EPN1: variants seen among roughly 807,000 people sequenced by gnomAD.
EPN1 encodes epsin 1, also known as epsin-1.
A neutral mutation model predicts 56.9 loss-of-function variants in EPN1; 25 were observed. The ratio of observed to expected loss-of-function variants is 0.44; its 90% confidence interval spans 0.32 to 0.61. The LOEUF is 0.61. Ranked by LOEUF, EPN1 falls within the 20% of genes least tolerant of loss-of-function variation. EPN1 has a pLI of 0.05. For missense variants in EPN1, 785 were observed against 823.7 expected (o/e 0.95, Z 0.58); for synonymous variants, 411 against 361.8 (o/e 1.14, Z -1.54).
At position 55,694,757 on chromosome 19, in the gene EPN1, G is replaced by A. The variant is rs1018243362; in HGVS notation, c.1296G>A (p.Pro432=). Residue 432 remains proline, a synonymous_variant, in exon 10 of 11, where the codon CCG becomes CCA. Transcript: ENST00000270460. This position sits in a 1 kb window ranked among gnomAD's most constrained non-coding sequence, Gnocchi z 4.2. ...TGGAGCTGCTGGCAGGAGAGGTGCC[G>A]GCCCGAAGCCCTGGGGCGTTTGACA... ...GELELLAGEV[P]ARSPGAFDMS... 9 of 1,588,882 alleles carry A rather than the reference G, an allele frequency of 5.7e-6. No individual in the cohort carries two copies. The highest frequency in any genetic ancestry group is 1.3e-5 in the African/African-American group (1 of 74,494).
chr19:55,692,249 A>G (rs1986606441), intron 7 of EPN1, among the ~76,000 whole-genome samples, 192 bp downstream of exon 7: 1 of 150,186 alleles, frequency 6.7e-6, no homozygotes, highest in African/African-American at 2.5e-5. Context: ...TGTGCCTTGG[A>G]GGACATGGGG....
intron 2 of EPN1, among the ~76,000 whole-genome samples, 189 bp from the exon 3 acceptor site, chr19:55,685,207 G>A (rs908784794): frequency 3.9e-5 from 6 of 152,374 alleles, no homozygotes; most frequent in Non-Finnish European, 8.8e-5. Flanking sequence ...CCGTCACAGC[G>A]TGGGTCTGTG....
intron 2 of EPN1, among the ~76,000 whole-genome samples, chr19:55,681,630 C>T (rs1172849288): frequency 2.0e-5 from 3 of 152,208 alleles, no homozygotes; most frequent in Non-Finnish European, 4.4e-5. Context: ...TTTCATCTGG[C>T]TCCTTACAGA....
At position 55,706,027 on chromosome 19, in the gene EPN1, T is replaced by G. The variant is rs1324685064; in HGVS notation, c.*10671T>G. The G allele has an allele frequency of 5.4e-6, 1 of 185,252 alleles. No individual in the cohort carries two copies. Among genetic ancestry groups the G allele is most frequent in the Non-Finnish European group, 1.1e-5 (1 of 89,210 alleles). The allele number at this position is 185,252 out of a possible 1,614,324, so 11.5% of individuals were successfully genotyped here. A position where few individuals can be genotyped will look rare whatever the true frequency, so the allele number is the denominator to read the frequency against. On this transcript the variant is annotated 3_prime_UTR_variant, in exon 11 of 11. Coordinates refer to ENST00000270460, the MANE Select transcript of EPN1 (RefSeq NM_001130072.2). The stretch of plus-strand genomic sequence containing the variant: ...CTGCATAGCAGTTACAAAGAAGGCC[T>G]TATTATCTGGAAGAAAAGGGACCAT...
At position 55,708,911 on chromosome 19, in the gene EPN1, A is replaced by C; in HGVS notation, c.*13555A>C. 2.6e-6 allele frequency: 4 copies of C among 1,540,682 alleles called. No individual in the cohort carries two copies. Among genetic ancestry groups the C allele is most frequent in the Non-Finnish European group, 3.5e-6 (4 of 1,153,018 alleles). ...AGACGACTACTTCAGGGTGTTCCCCATCAGAGGAGCACACCCCTGATCTTG... is the reference window on the plus strand; with the variant it reads ...AGACGACTACTTCAGGGTGTTCCCCCTCAGAGGAGCACACCCCTGATCTTG... On this transcript the variant is annotated 3_prime_UTR_variant, in exon 11 of 11. Transcript: ENST00000270460.
At chr19:55,692,552 G>T in intron 7 of EPN1, 134 bp from the exon 8 acceptor site, 1 of 573,020 alleles carries the variant, frequency 1.7e-6, no homozygotes, top group Non-Finnish European at 3.1e-6. Context: ...GTGTGCGGGA[G>T]GCCGGGTGGG....
chr19:55,690,014 C>T, intron 6 of EPN1, 64 bp downstream of exon 6: 1 of 1,429,676 alleles, frequency 7.0e-7, no homozygotes. Flanking sequence ...ATCGCTCATT[C>T]CTGCGTGGCC....
chr19:55,695,391 GC>G lies in EPN1; in HGVS notation c.*39del, dbSNP rs1986861112. ...GAAGGGGGCCTGGCTCCATCCGGCTGCCCCATTCCGGCTCCCTGGGAGATCA... is the reference window on the plus strand; with the variant it reads ...GAAGGGGGCCTGGCTCCATCCGGCTGCCCATTCCGGCTCCCTGGGAGATCA... On this transcript the variant is annotated 3_prime_UTR_variant, in exon 11 of 11. Transcript: ENST00000270460. The surrounding 1 kb of genome is among the most constrained non-coding windows in gnomAD (Gnocchi z 4.4). The G allele has an allele frequency of 8.4e-7, 1 of 1,193,068 alleles. No individual in the cohort carries two copies. The highest frequency in any genetic ancestry group is 1.2e-6 in the Non-Finnish European group (1 of 849,402). 73.9% of individuals were successfully genotyped at this position (1,193,068 alleles called of 1,614,324 possible).
In EPN1 at chr19:55,704,146, C is replaced by G. The variant is rs1190018155; in HGVS notation, c.*8790C>G. 6.6e-6 allele frequency: 1 copy of G among 152,624 alleles called. No homozygotes were observed. The highest frequency in any genetic ancestry group is 1.5e-5 in the Non-Finnish European group (1 of 68,320). The allele number at this position is 152,624 out of a possible 1,614,324, so 9.5% of individuals were successfully genotyped here. On this transcript the variant is annotated 3_prime_UTR_variant, in exon 11 of 11. Transcript: ENST00000270460. ...CTGGTCCCCACCTTCCAGCCCAGCGCGCACACTAGACGGCACGTGCTCTCC... is the reference window on the plus strand; with the variant it reads ...CTGGTCCCCACCTTCCAGCCCAGCGGGCACACTAGACGGCACGTGCTCTCC...
Position 55,699,952 on chromosome 19 carries a change from G to T in EPN1, c.*4596G>T, listed in dbSNP as rs912331962. 95 of 150,216 alleles carry T rather than the reference G, an allele frequency of 6.3e-4. No individual in the cohort carries two copies. The highest frequency in any genetic ancestry group is 2.3e-3 in the African/African-American group (92 of 40,786). The allele number at this position is 150,216 out of a possible 1,614,324, so 9.3% of individuals were successfully genotyped here. A position where few individuals can be genotyped will look rare whatever the true frequency, so the allele number is the denominator to read the frequency against. ...TTTTTTTTTTTTGAGACAGAGTCTT[G>T]CTCTGTCGCCCAGGCTGGAGTGCAG... On this transcript the variant is annotated 3_prime_UTR_variant, in exon 11 of 11. Transcript: ENST00000270460.
Position 55,705,341 on chromosome 19 carries a change from TAC to T in EPN1, c.*9987_*9988del, listed in dbSNP as rs1219903074. The T allele has an allele frequency of 1.3e-5, 2 of 152,152 alleles. No individual in the cohort carries two copies. The highest frequency in any genetic ancestry group is 2.9e-5 in the Non-Finnish European group (2 of 68,032). 9.4% of individuals were successfully genotyped at this position (152,152 alleles called of 1,614,324 possible). On this transcript the variant is annotated 3_prime_UTR_variant, in exon 11 of 11. Transcript: ENST00000270460. ...CAATGAAAAAAACCTCTCAGAACGA[TAC>T]AGAATCCAGAGCCACTACAACACAT...
At position 55,689,159 on chromosome 19, in the gene EPN1, C is replaced by A; in HGVS notation, c.604-138C>A. On this transcript the variant is annotated intron_variant, in intron 4 of 10. Transcript: ENST00000270460. This position sits in a 1 kb window ranked among gnomAD's most constrained non-coding sequence, Gnocchi z 5.7. ...TCATCCTCACCCCGCCGTCCCTCTG[C>A]GTGTCACTCTCTGCCTGTCCCTCAC... is the stretch of plus-strand genomic sequence containing the variant. The A allele has an allele frequency of 8.7e-7, 1 of 1,145,208 alleles. No homozygotes were observed. Among genetic ancestry groups the A allele is most frequent in the Non-Finnish European group, 1.2e-6 (1 of 811,256 alleles). The allele number at this position is 1,145,208 out of a possible 1,614,324, so 70.9% of individuals were successfully genotyped here. A position where few individuals can be genotyped will look rare whatever the true frequency, so the allele number is the denominator to read the frequency against.
At position 55,708,653 on chromosome 19, in the gene EPN1, GT is replaced by G. The variant is rs1987547723; in HGVS notation, c.*13300del. On this transcript the variant is annotated 3_prime_UTR_variant, in exon 11 of 11. Transcript: ENST00000270460. Reference sequence around the variant, plus strand: ...ATGCTTTCCAGAGCGTTTAGCACTTGTTTAACGTACTTGTGCTTCTAAATAT... The same window carrying G: ...ATGCTTTCCAGAGCGTTTAGCACTTGTTAACGTACTTGTGCTTCTAAATAT... 1 of 312,246 alleles carries G rather than the reference GT, an allele frequency of 3.2e-6. No homozygotes were observed. Among genetic ancestry groups the G allele is most frequent in the Admixed American group, 5.0e-5 (1 of 19,926 alleles). The allele number at this position is 312,246 out of a possible 1,614,324, so 19.3% of individuals were successfully genotyped here.
intron 1 of EPN1, chr19:55,677,323 T>C: frequency 3.9e-6 from 3 of 768,954 alleles, no homozygotes; most frequent in African/African-American, 1.7e-5. Flanking sequence ...AGTTAATACA[T>C]GTAAAGCACT....
chr19:55,709,196 C>CGGAA lies in EPN1; in HGVS notation c.*13840_*13841insGGAA. ...CTGAATTTGAAAAACAAGCATGAATCTTTCCTATAGGATAGGAAGCCTCTG... is the reference window on the plus strand; with the variant it reads ...CTGAATTTGAAAAACAAGCATGAATCGGAATTTCCTATAGGATAGGAAGCCTCTG... On this transcript the variant is annotated 3_prime_UTR_variant, in exon 11 of 11. Coordinates refer to ENST00000270460, the MANE Select transcript of EPN1 (RefSeq NM_001130072.2). 4 of 525,188 alleles carry CGGAA rather than the reference C, an allele frequency of 7.6e-6. No homozygotes were observed. The highest frequency in any genetic ancestry group is 4.9e-4 in the Middle Eastern group (1 of 2,024). 32.5% of individuals were successfully genotyped at this position (525,188 alleles called of 1,614,324 possible). A position where few individuals can be genotyped will look rare whatever the true frequency, so the allele number is the denominator to read the frequency against.
At chr19:55,684,052 C>T (rs985570327) in intron 2 of EPN1, among the ~76,000 whole-genome samples, 1 of 152,214 alleles carries the variant, frequency 6.6e-6, no homozygotes, top group African/African-American at 2.4e-5. Flanking sequence ...TCAGGCATAG[C>T]AATGGCTTAC....
chr19:55,706,679 G>GGGAAA lies in EPN1; in HGVS notation c.*11326_*11327insAAGGA, dbSNP rs1465295831. On this transcript the variant is annotated 3_prime_UTR_variant, in exon 11 of 11. Transcript: ENST00000270460. The stretch of plus-strand genomic sequence containing the variant: ...AAAGAAAGAAAAGAGGGGAAGGGAA[G>GGGAAA]GGAGAGATTTAAAAAACAATAGTAA... 2.0e-5 allele frequency: 3 copies of GGGAAA among 149,622 alleles called. No homozygotes were observed. Among genetic ancestry groups the GGGAAA allele is most frequent in the African/African-American group, 7.4e-5 (3 of 40,382 alleles). 9.3% of individuals were successfully genotyped at this position (149,622 alleles called of 1,614,324 possible).
Position 55,701,464 on chromosome 19 carries a change from AATG to A in EPN1, c.*6111_*6113del, listed in dbSNP as rs1304310731. On this transcript the variant is annotated 3_prime_UTR_variant, in exon 11 of 11. Coordinates refer to ENST00000270460, the MANE Select transcript of EPN1 (RefSeq NM_001130072.2). The stretch of plus-strand genomic sequence containing the variant: ...ACCCTGTCTCCAAAAAAAAAAAAAA[AATG>A]ATACTGTTTCCTGTATTTTTTTCTC... The A allele has an allele frequency of 6.6e-6, 1 of 151,840 alleles. No individual in the cohort carries two copies. Among genetic ancestry groups the A allele is most frequent in the South Asian group, 2.1e-4 (1 of 4,822 alleles). 9.4% of individuals were successfully genotyped at this position (151,840 alleles called of 1,614,324 possible). A position where few individuals can be genotyped will look rare whatever the true frequency, so the allele number is the denominator to read the frequency against.
chr19:55,691,912 C>G lies in EPN1; in HGVS notation c.921C>G (p.Pro307=). Residue 307 remains proline (P), a synonymous_variant, in exon 7 of 11, where the codon CCC becomes CCG. Coordinates refer to ENST00000270460, the MANE Select transcript of EPN1 (RefSeq NM_001130072.2). The surrounding 1 kb of genome is among the most constrained non-coding windows in gnomAD (Gnocchi z 5.6). The stretch of plus-strand genomic sequence containing the variant: ...CCCCTGTCCCTCCAGCTGCTGATCC[C>G]TGGGGAGGTCCAGCCCCCACGCCGG... The part of the protein sequence containing the change: ...GGPPVPPAAD[P]WGGPAPTPAS... The G allele has an allele frequency of 6.3e-7, 1 of 1,586,038 alleles. No individual in the cohort carries two copies. Among genetic ancestry groups the G allele is most frequent in the Non-Finnish European group, 8.6e-7 (1 of 1,166,968 alleles).
Sources: allele counts gnomAD v4.1 joint callset (sites outside exome capture counted in the v4.1 genomes callset), GRCh38; gene constraint gnomAD v4.1.1; non-coding constraint Gnocchi (gnomAD v3.1); transcripts MANE v1.5; gene names NCBI Gene and HGNC (gene_info 2026-07-23, HGNC 2026-07-21).